RASIP1: variants seen among roughly 807,000 people sequenced by gnomAD.
RASIP1 encodes the protein Ras interacting protein 1.
In RASIP1, 20 loss-of-function variants were observed where a neutral mutation model predicts 85.3. The observed-to-expected ratio is 0.23, with a 90% CI of 0.17 to 0.34. RASIP1 has a LOEUF of 0.34. Among genes scored for constraint, RASIP1 ranks in the 10% least tolerant of loss-of-function variants. The pLI is 1.00. For missense variants in RASIP1, 1,170 were observed against 1,390.9 expected (o/e 0.84, Z 2.53); for synonymous variants, 617 against 647.1 (o/e 0.95, Z 0.71).
chr19:48,732,728 G>C (rs1239618646), intron 4 of RASIP1, among the ~76,000 whole-genome samples: 1 of 152,080 alleles, frequency 6.6e-6, no homozygotes, highest in East Asian at 1.9e-4. Context: ...TCTTACTACA[G>C]TGAGCTCTCC....
In RASIP1 at chr19:48,721,013, C is replaced by G; in HGVS notation, c.2693-16G>C. On this transcript the variant is annotated splice_polypyrimidine_tract_variant and intron_variant, in intron 11 of 11. Transcript: ENST00000222145. ...AAGATGTCCCCTGTGAGGCCGAAGG[C>G]GGCGCGGTTAGAGTCTGAAAGTGGG... is the stretch of plus-strand genomic sequence containing the variant. The G allele has an allele frequency of 6.4e-7, 1 of 1,571,764 alleles. No homozygotes were observed. The highest frequency in any genetic ancestry group is 8.6e-7 in the Non-Finnish European group (1 of 1,159,796).
rs1011658386 is a variant in RASIP1, at chr19:48,738,273, C to T, written c.823+687G>A. ...ACTAGTTCTTTAATTCAAAAAGACC[C>T]TTGTCAATATTCAGTATCAAAACAG... On this transcript the variant is annotated intron_variant, in intron 3 of 11. Transcript: ENST00000222145. The surrounding 1 kb of genome is among the most constrained non-coding windows in gnomAD (Gnocchi z 4.0). Among the ~76,000 whole-genome samples, 1 of 152,156 alleles carries T rather than the reference C, an allele frequency of 6.6e-6. No homozygotes were observed.
chr19:48,726,978 G>A (rs767065471), intron 7 of RASIP1, 29 bp downstream of exon 7: 2 of 1,613,326 alleles, frequency 1.2e-6, no homozygotes, highest in East Asian at 4.5e-5. Context: ...GGGAGACTTG[G>A]ACAAGCCTGA....
chr19:48,740,301 G>GTT lies in RASIP1; in HGVS notation c.-4-16_-4-15insAA. 6.4e-7 allele frequency: 1 copy of GTT among 1,568,756 alleles called. No individual in the cohort carries two copies. The highest frequency in any genetic ancestry group is 8.6e-7 in the Non-Finnish European group (1 of 1,162,046). Reference sequence around the variant, plus strand: ...ACAGCATGGCCCTAAGGGAAGGCGGGTAAGGCCCCAACTCCTAAGGCATTC... The same window carrying GTT: ...ACAGCATGGCCCTAAGGGAAGGCGGGTTTAAGGCCCCAACTCCTAAGGCATTC... On this transcript the variant is annotated splice_polypyrimidine_tract_variant and intron_variant, in intron 1 of 11. Coordinates refer to ENST00000222145, the MANE Select transcript of RASIP1 (RefSeq NM_017805.3). This position sits in a 1 kb window ranked among gnomAD's most constrained non-coding sequence, Gnocchi z 5.5.
At position 48,724,275 on chromosome 19, in the gene RASIP1, G is replaced by A; in HGVS notation, c.2544+62C>T. 6.5e-7 allele frequency: 1 copy of A among 1,537,468 alleles called. No homozygotes were observed. Among genetic ancestry groups the A allele is most frequent in the South Asian group, 1.2e-5 (1 of 84,022 alleles). On this transcript the variant is annotated intron_variant, in intron 10 of 11. Coordinates refer to ENST00000222145, the MANE Select transcript of RASIP1 (RefSeq NM_017805.3). The surrounding 1 kb of genome is among the most constrained non-coding windows in gnomAD (Gnocchi z 4.6). ...CTCTGACGGTGAGCTGAATATAGAA[G>A]GTGGCTGAGGGGGGTTGAGGAGTCA...
chr19:48,738,811 C>T lies in RASIP1; in HGVS notation c.823+149G>A, dbSNP rs1268455592. The T allele has an allele frequency of 9.9e-7, 1 of 1,008,228 alleles. No homozygotes were observed. The highest frequency in any genetic ancestry group is 1.3e-6 in the Non-Finnish European group (1 of 799,596). 62.5% of individuals were successfully genotyped at this position (1,008,228 alleles called of 1,614,324 possible). On this transcript the variant is annotated intron_variant, in intron 3 of 11. Transcript: ENST00000222145. The surrounding 1 kb of genome is among the most constrained non-coding windows in gnomAD (Gnocchi z 4.0). ...TGCTCTAGCTCTGCCTAGAGTCCAA[C>T]ACGCACCGTCCAGTCCCCTCCCAGT...
chr19:48,721,943 T>C lies in RASIP1; in HGVS notation c.2603A>G (p.His868Arg), dbSNP rs557153628. Residue 868 changes from histidine to arginine, a missense_variant, in exon 11 of 12, where the codon CAT (histidine) becomes CGT (arginine). His to Arg is a conservative substitution (Grantham distance 29). Transcript: ENST00000222145. ...GCCCAGCTGATAGTGGCTGAGCAGA[T>C]GGTGCAGCTGGGCGGGGGTCAAGGT... ...HPTLTPAQLHHLLSHYQLGPG... is the reference protein window; with the variant it reads ...HPTLTPAQLHRLLSHYQLGPG... 18 of 1,564,438 alleles carry C rather than the reference T, an allele frequency of 1.2e-5. No individual in the cohort carries two copies. Among genetic ancestry groups the C allele is most frequent in the Non-Finnish European group, 1.6e-5 (18 of 1,153,444 alleles).
rs1337310405 is a variant in RASIP1, at chr19:48,740,172, C to T, written c.111G>A (p.Arg37=). 1 of 1,596,296 alleles carries T rather than the reference C, an allele frequency of 6.3e-7. No homozygotes were observed. The highest frequency in any genetic ancestry group is 1.8e-5 in the Admixed American group (1 of 55,350). ...SPRKQLAKLG[R]RWPSAASVKS... is the part of the protein sequence containing the mutation. Reference sequence around the variant, plus strand: ...TGACAGAGGCTGCGCTGGGCCAGCGCCGCCCCAGCTTCGCCAGCTGCTTCC... The same window carrying T: ...TGACAGAGGCTGCGCTGGGCCAGCGTCGCCCCAGCTTCGCCAGCTGCTTCC... Residue 37 remains arginine, a synonymous_variant, in exon 2 of 12, where the codon CGG becomes CGA. Coordinates refer to ENST00000222145, the MANE Select transcript of RASIP1 (RefSeq NM_017805.3). The surrounding 1 kb of genome is among the most constrained non-coding windows in gnomAD (Gnocchi z 5.5).
At position 48,739,191 on chromosome 19, in the gene RASIP1, A is replaced by C. The variant is rs956420684; in HGVS notation, c.592T>G (p.Cys198Gly). The change falls in exon 3 of 12, where the codon TGC (cysteine) becomes GGC (glycine). Residue 198 changes from cysteine (C) to glycine (G), a missense_variant. This residue lies in a region of RASIP1 where 299 missense variants were observed against 394.4 expected (regional missense o/e 0.76). Coordinates refer to ENST00000222145, the MANE Select transcript of RASIP1 (RefSeq NM_017805.3). The surrounding 1 kb of genome is among the most constrained non-coding windows in gnomAD (Gnocchi z 9.2). ...TCGCACAAAGCGAAGGCGTCCACGC[A>C]GCTGCTCTCGCCGGGGCCACCGCCG... ...SPGGGPGESS[C>G]VDAFALCDAL... The C allele has an allele frequency of 6.8e-7, 1 of 1,475,626 alleles. No individual in the cohort carries two copies. The highest frequency in any genetic ancestry group is 8.9e-7 in the Non-Finnish European group (1 of 1,120,576). 91.4% of individuals were successfully genotyped at this position (1,475,626 alleles called of 1,614,324 possible). A position where few individuals can be genotyped will look rare whatever the true frequency, so the allele number is the denominator to read the frequency against.
In RASIP1 at chr19:48,739,479, C is replaced by T. The variant is rs1049740468; in HGVS notation, c.304G>A (p.Gly102Arg). Reference sequence around the variant, plus strand: ...CCAGGGCCTCCTGCGCCGCTGGACCCCGTGGTCCCGGTCCCCGAGCCCCGG... The same window carrying T: ...CCAGGGCCTCCTGCGCCGCTGGACCTCGTGGTCCCGGTCCCCGAGCCCCGG... ...LFRGSGTGTT[G>R]SSGAGGPGTP... The change falls in exon 3 of 12, where the codon GGG (glycine) becomes AGG (arginine). Residue 102 changes from glycine (G) to arginine (R), a missense_variant. Physicochemically the swap from Gly to Arg is moderately radical, Grantham distance 125. Coordinates refer to ENST00000222145, the MANE Select transcript of RASIP1 (RefSeq NM_017805.3). The surrounding 1 kb of genome is among the most constrained non-coding windows in gnomAD (Gnocchi z 9.2). 3 of 1,502,476 alleles carry T rather than the reference C, an allele frequency of 2.0e-6. No homozygotes were observed. The African/African-American group carries it at 4.3e-5, about 22-fold the overall frequency. 93.1% of individuals were successfully genotyped at this position (1,502,476 alleles called of 1,614,324 possible).
chr19:48,720,832 T>C lies in RASIP1; in HGVS notation c.2858A>G (p.Tyr953Cys). ...CGTGGCCACGGGAGGCCCATGGCGA[T>C]AATTGGCTGGCAGCTCCTGCTGCTC... ...DLEQQELPAN[Y>C]RHGPPVATSP Residue 953 changes from tyrosine (Y) to cysteine (C), a missense_variant, in exon 12 of 12, where the codon TAT (tyrosine) becomes TGT (cysteine). Transcript: ENST00000222145. The C allele has an allele frequency of 6.2e-7, 1 of 1,614,026 alleles. No homozygotes were observed. Among genetic ancestry groups the C allele is most frequent in the Non-Finnish European group, 8.5e-7 (1 of 1,180,018 alleles).
Position 48,740,215 on chromosome 19 carries a change from A to G in RASIP1, c.68T>C (p.Leu23Pro). The G allele has an allele frequency of 6.3e-7, 1 of 1,588,408 alleles. No homozygotes were observed. Among genetic ancestry groups the G allele is most frequent in the Non-Finnish European group, 8.5e-7 (1 of 1,171,700 alleles). The change falls in exon 2 of 12, where the codon CTG (leucine) becomes CCG (proline). Residue 23 changes from leucine to proline, a missense_variant. Leu to Pro is a moderately conservative substitution (Grantham distance 98, BLOSUM62 -3). Around this residue, in one of 4 missense-constraint regions of RASIP1, gnomAD observed 299 missense variants for 394.4 expected, o/e 0.76. Coordinates refer to ENST00000222145, the MANE Select transcript of RASIP1 (RefSeq NM_017805.3). The surrounding 1 kb of genome is among the most constrained non-coding windows in gnomAD (Gnocchi z 5.5). ...RFGKLHLPVGLWINSPRKQLA... is the reference protein window; with the variant it reads ...RFGKLHLPVGPWINSPRKQLA... ...CTGCTTCCTGGGGGAATTGATCCAC[A>G]GGCCCACGGGGAGATGAAGCTTCCC... is the stretch of plus-strand genomic sequence containing the variant.
At chr19:48,735,958 G>T (rs1344878667) in intron 3 of RASIP1, among the ~76,000 whole-genome samples, 1 of 151,520 alleles carries the variant, frequency 6.6e-6, no homozygotes, top group Admixed American at 6.6e-5. Context: ...ACAACGCCCG[G>T]TTAATTTTTG....
Position 48,729,401 on chromosome 19 carries a change from G to A in RASIP1, c.1369C>T (p.Pro457Ser). Residue 457 changes from proline to serine, a missense_variant, in exon 5 of 12, where the codon CCA becomes TCA. Around this residue, in one of 4 missense-constraint regions of RASIP1, gnomAD observed 301 missense variants for 294.8 expected, o/e 1.02. Coordinates refer to ENST00000222145, the MANE Select transcript of RASIP1 (RefSeq NM_017805.3). ...PAMVRPSRGAPVTHNGCLLLR... is the reference protein window; with the variant it reads ...PAMVRPSRGASVTHNGCLLLR... Reference sequence around the variant, plus strand: ...AGGAGGCACCCGTTGTGCGTGACTGGGGCGCCCCGGGACGGGCGCACCATG... The same window carrying A: ...AGGAGGCACCCGTTGTGCGTGACTGAGGCGCCCCGGGACGGGCGCACCATG... 1.3e-6 allele frequency: 2 copies of A among 1,555,650 alleles called. No individual in the cohort carries two copies. The highest frequency in any genetic ancestry group is 1.9e-5 in the Admixed American group (1 of 51,428).
chr19:48,737,347 A>C, intron 3 of RASIP1: 3 of 483,284 alleles, frequency 6.2e-6, no homozygotes, highest in Non-Finnish European at 8.1e-6. Context: ...GCTCAGATAC[A>C]GAAAAGCGTT....
chr19:48,740,599 G>A lies in RASIP1; in HGVS notation c.-83C>T, dbSNP rs1308989280. ...TTCCACTGCTCTTGCCTCTGCCACG[G>A]CTCCCAGCACTGGGTGGGGGACAGG... On this transcript the variant is annotated 5_prime_UTR_variant, in exon 1 of 12. Coordinates refer to ENST00000222145, the MANE Select transcript of RASIP1 (RefSeq NM_017805.3). The surrounding 1 kb of genome is among the most constrained non-coding windows in gnomAD (Gnocchi z 5.5). The A allele has an allele frequency of 1.4e-6, 2 of 1,384,468 alleles. No individual in the cohort carries two copies. The highest frequency in any genetic ancestry group is 1.9e-6 in the Non-Finnish European group (2 of 1,071,598). The allele number at this position is 1,384,468 out of a possible 1,614,324, so 85.8% of individuals were successfully genotyped here.
Position 48,740,502 on chromosome 19 carries a change from C to T in RASIP1, c.-5+19G>A. ...GCCCAGGGAGGAGGGGTTTGGGCTG[C>T]TGGGTCCCTGGCTCTTACCCTGCTT... is the stretch of plus-strand genomic sequence containing the variant. On this transcript the variant is annotated intron_variant, in intron 1 of 11. Transcript: ENST00000222145. This position sits in a 1 kb window ranked among gnomAD's most constrained non-coding sequence, Gnocchi z 5.5. The T allele has an allele frequency of 7.1e-7, 1 of 1,398,718 alleles. No individual in the cohort carries two copies. Among genetic ancestry groups the T allele is most frequent in the South Asian group, 1.7e-5 (1 of 59,112 alleles). 86.6% of individuals were successfully genotyped at this position (1,398,718 alleles called of 1,614,324 possible).
At chr19:48,737,001 A>C (rs1278651856) in intron 3 of RASIP1, among the ~76,000 whole-genome samples, 1 of 152,158 alleles carries the variant, frequency 6.6e-6, no homozygotes, top group African/African-American at 2.4e-5. Context: ...GTGCCACTGC[A>C]CTCCAGCCTG....
Position 48,734,077 on chromosome 19 carries a change from C to T in RASIP1, c.1179+1119G>A, listed in dbSNP as rs368688939. Among the ~76,000 whole-genome samples, 6 of 151,968 alleles carry T rather than the reference C, an allele frequency of 3.9e-5. No homozygotes were observed. The East Asian group carries it at 5.8e-4, about 15-fold the overall frequency. On this transcript the variant is annotated intron_variant, in intron 4 of 11. Transcript: ENST00000222145. ...TTGGGAGGCCGAGGCGGGCGGATCA[C>T]GAGGTCAAGAGATTGAGACCATCCT...
Sources: allele counts gnomAD v4.1 joint callset (sites outside exome capture counted in the v4.1 genomes callset), GRCh38; gene constraint gnomAD v4.1.1; regional missense constraint gnomAD v4.1.1; non-coding constraint Gnocchi (gnomAD v3.1); transcripts MANE v1.5; gene names NCBI Gene and HGNC (gene_info 2026-07-23, HGNC 2026-07-21).